The following OPCML variants were observed in gnomAD, a reference collection of about 807,000 sequenced individuals.
OPCML encodes the protein opioid binding protein/cell adhesion molecule like.
A neutral mutation model predicts 37.8 loss-of-function variants in OPCML; 13 were observed. That is an observed-to-expected ratio of 0.34 (90% CI 0.22 to 0.55). OPCML has a LOEUF of 0.55. Ranked by LOEUF, OPCML falls within the 20% of genes least tolerant of loss-of-function variation. The pLI, the probability that OPCML is intolerant of heterozygous loss-of-function variation, is 0.91. For missense variants in OPCML, 341 were observed against 435.6 expected (o/e 0.78, Z 1.93); for synonymous variants, 176 against 168.8 (o/e 1.04, Z -0.33).
intron 2 of OPCML, among the ~76,000 whole-genome samples, chr11:132,689,081 C>T (rs1468983252): frequency 1.3e-5 from 2 of 151,846 alleles, no homozygotes; most frequent in Admixed American, 6.6e-5. Flanking sequence ...CTGAGGATTA[C>T]GTGTGACATG....
rs2136432314 is a variant in OPCML, at chr11:132,882,315, T to A, written c.146+60611A>T. On this transcript the variant is annotated intron_variant, in intron 2 of 7. Coordinates refer to ENST00000524381, the MANE Select transcript of OPCML (RefSeq NM_001012393.5). ...AAACAAAAAGTATTACAAAATCAAA[T>A]CCAGTACATCATCTTTCTGCAACAT... is the stretch of plus-strand genomic sequence containing the variant. Among the ~76,000 whole-genome samples the A allele has an allele frequency of 2.0e-5, 3 of 152,270 alleles. No homozygotes were observed. The Middle Eastern group carries it at 0.01, about 518-fold the overall frequency.
At chr11:133,002,540 A>T (rs1947024266) in intron 1 of OPCML, among the ~76,000 whole-genome samples, 1 of 152,220 alleles carries the variant, frequency 6.6e-6, no homozygotes, top group Non-Finnish European at 1.5e-5. Flanking sequence ...GGATGATGTT[A>T]GTTCTGTGTG....
rs1374578586 is a variant in OPCML, at chr11:133,208,747, T to C, written c.62-265737A>G. ...GGCTGCTGTAAGACTGAAGCACACG[T>C]TATCTAAAGCAATGGCCCTTCTCTA... On this transcript the variant is annotated intron_variant, in intron 1 of 7. Transcript: ENST00000524381. The surrounding 1 kb of genome is among the most constrained non-coding windows in gnomAD (Gnocchi z 8.9). Among the ~76,000 whole-genome samples, 1 of 152,150 alleles carries C rather than the reference T, an allele frequency of 6.6e-6. No individual in the cohort carries two copies. Among genetic ancestry groups the C allele is most frequent in the African/African-American group, 2.4e-5 (1 of 41,444 alleles).
chr11:132,965,509 G>A lies in OPCML; in HGVS notation c.62-22499C>T, dbSNP rs146875622. Among the ~76,000 whole-genome samples, 51 of 151,574 alleles carry A rather than the reference G, an allele frequency of 3.4e-4. 1 individual carries two copies. The highest frequency in any genetic ancestry group is 3.4e-3 in the Middle Eastern group (1 of 292). The stretch of plus-strand genomic sequence containing the variant: ...TAATTTATTGGCACATATTTTTGTC[G>A]TTGTTGTTGTTGTTTGTTGTTTTTT... On this transcript the variant is annotated intron_variant, in intron 1 of 7. Transcript: ENST00000524381.
At chr11:133,524,609 C>T (rs554562636) in intron 1 of OPCML, among the ~76,000 whole-genome samples, 2 of 152,312 alleles carry the variant, frequency 1.3e-5, no homozygotes, top group South Asian at 4.1e-4. Context: ...TCTGTGTTTA[C>T]GGAACGACTC....
At chr11:133,460,020 G>A (rs1367350711) in intron 1 of OPCML, among the ~76,000 whole-genome samples, 2 of 151,962 alleles carry the variant, frequency 1.3e-5, no homozygotes, top group East Asian at 1.9e-4. Context: ...AATACAAATT[G>A]TCTGTTCTTA....
chr11:132,680,936 A>G (rs1335129747), intron 2 of OPCML, among the ~76,000 whole-genome samples: 7 of 152,206 alleles, frequency 4.6e-5, no homozygotes, highest in Non-Finnish European at 8.8e-5. Context: ...TCAGGCAAGC[A>G]TCGCGCAGCG....
intron 1 of OPCML, among the ~76,000 whole-genome samples, chr11:133,147,621 G>C (rs1236276794): frequency 6.6e-6 from 1 of 152,140 alleles, no homozygotes; most frequent in Non-Finnish European, 1.5e-5. Flanking sequence ...CAGAAGGGAT[G>C]GGTGGCTCTG....
intron 2 of OPCML, among the ~76,000 whole-genome samples, chr11:132,688,184 A>AC (rs1943245847): frequency 6.6e-6 from 1 of 150,406 alleles, no homozygotes; most frequent in Non-Finnish European, 1.5e-5. Flanking sequence ...TTTTTTTATG[A>AC]TTCTTGCCGA....
chr11:133,047,534 A>G (rs1187776383), intron 1 of OPCML, among the ~76,000 whole-genome samples: 1 of 152,124 alleles, frequency 6.6e-6, no homozygotes, highest in Non-Finnish European at 1.5e-5. Context: ...CGGCTCTTTA[A>G]TAACACCCAG....
chr11:133,448,367 T>C (rs1946513044), intron 1 of OPCML, among the ~76,000 whole-genome samples: 1 of 152,210 alleles, frequency 6.6e-6, no homozygotes, highest in South Asian at 2.1e-4. Flanking sequence ...GGGCATTTTT[T>C]CCCCGAACAT....
At chr11:132,688,299 C>A (rs1242057544) in intron 2 of OPCML, among the ~76,000 whole-genome samples, 1 of 152,130 alleles carries the variant, frequency 6.6e-6, no homozygotes, top group African/African-American at 2.4e-5. Flanking sequence ...GCATATTTTT[C>A]ATCACTCATG....
intron 1 of OPCML, among the ~76,000 whole-genome samples, chr11:133,183,363 A>G (rs1359232298): frequency 6.6e-6 from 1 of 152,210 alleles, no homozygotes; most frequent in East Asian, 1.9e-4. Flanking sequence ...ACTGGCTAGG[A>G]CAACTTTTCA....
chr11:132,479,357 G>C (rs888278088), intron 4 of OPCML, among the ~76,000 whole-genome samples: 1 of 152,294 alleles, frequency 6.6e-6, no homozygotes, highest in South Asian at 2.1e-4. Flanking sequence ...TATCCCACAC[G>C]TGGCTCGGAG....
chr11:132,751,039 T>C (rs1945814391), intron 2 of OPCML, among the ~76,000 whole-genome samples: 2 of 152,144 alleles, frequency 1.3e-5, no homozygotes, highest in South Asian at 4.1e-4. Context: ...TATCAAGTGG[T>C]GTCTCTTCAA....
At chr11:132,876,286 G>A (rs571867877) in intron 2 of OPCML, among the ~76,000 whole-genome samples, 29 of 152,272 alleles carry the variant, frequency 1.9e-4, no homozygotes, top group African/African-American at 7.0e-4. Context: ...CAATTTGAGG[G>A]CAGACATATT....
chr11:132,532,917 G>A (rs995645472), intron 3 of OPCML, among the ~76,000 whole-genome samples: 3 of 152,168 alleles, frequency 2.0e-5, no homozygotes, highest in African/African-American at 7.2e-5. Context: ...TTTCCATGAT[G>A]ACTTTGTGAA....
intron 2 of OPCML, among the ~76,000 whole-genome samples, chr11:132,916,990 GT>G (rs1049955119): frequency 1.3e-5 from 2 of 152,006 alleles, no homozygotes; most frequent in Non-Finnish European, 1.5e-5. Flanking sequence ...CCCAGAGTTT[GT>G]TTTGCAGACA....
At chr11:132,792,973 C>T (rs1938033751) in intron 2 of OPCML, among the ~76,000 whole-genome samples, 1 of 152,190 alleles carries the variant, frequency 6.6e-6, no homozygotes, top group South Asian at 2.1e-4. Flanking sequence ...GGATAGAGCG[C>T]CATTTACATG....
Sources: allele counts gnomAD v4.1 joint callset (sites outside exome capture counted in the v4.1 genomes callset), GRCh38; gene constraint gnomAD v4.1.1; non-coding constraint Gnocchi (gnomAD v3.1); transcripts MANE v1.5; gene names NCBI Gene and HGNC (gene_info 2026-07-23, HGNC 2026-07-21).